Variants in SLC38A1 observed in about 807,000 individuals in gnomAD.
SLC38A1 encodes solute carrier family 38 member 1.
Under a neutral mutation model 60.3 loss-of-function variants are expected in SLC38A1, and 18 were observed. The ratio of observed to expected loss-of-function variants is 0.30; its 90% CI spans 0.21 to 0.44. The LOEUF is 0.44. SLC38A1 is among the 20% of genes least tolerant of loss of function. The pLI, the probability that SLC38A1 is intolerant of heterozygous loss-of-function variation, is 1.00. For missense variants in SLC38A1, 448 were observed against 587.2 expected (o/e 0.76, Z 2.45); for synonymous variants, 196 against 212.1 (o/e 0.92, Z 0.66).
At chr12:46,196,133 C>G in intron 16 of SLC38A1, 1 of 1,535,552 alleles carries the variant, frequency 6.5e-7, no homozygotes, top group East Asian at 2.4e-5. Context: ...CAGACTAATA[C>G]AGATTACTAA....
At chr12:46,235,670 A>G (rs1941234754) in intron 3 of SLC38A1, among the ~76,000 whole-genome samples, 1 of 152,226 alleles carries the variant, frequency 6.6e-6, no homozygotes, top group Non-Finnish European at 1.5e-5. Flanking sequence ...AAGAAGAGGG[A>G]TAACTTTTCA....
At position 46,203,019 on chromosome 12, in the gene SLC38A1, T is replaced by A. The variant is rs1939731003; in HGVS notation, c.893A>T (p.Glu298Val). 3.7e-6 allele frequency: 6 copies of A among 1,613,334 alleles called. No individual in the cohort carries two copies. The highest frequency in any genetic ancestry group is 5.1e-6 in the Non-Finnish European group (6 of 1,179,364). The change falls in exon 12 of 17, where the codon GAG becomes GTG. Residue 298 changes from glutamate (E) to valine (V), a missense_variant. By Grantham distance (121) the Glu-to-Val change is moderately radical. Transcript: ENST00000398637. ...CHPSVLPIYS[E>V]LKDRSQKKMQ... ...TAAACAAATTTCTTACTCTTTAAGC[T>A]CACTGTAAATTGGCAGGACTGACGG...
chr12:46,204,334 C>T lies in SLC38A1; in HGVS notation c.789G>A (p.Thr263=), dbSNP rs34246350. ...TGAAGGTAACATATTTTGGCGTACA[C>T]GTGTCAGCATTTGTTGAATTAGCAC... is the stretch of plus-strand genomic sequence containing the variant. The part of the protein sequence containing the change: ...TISANSTNAD[T]CTPKYVTFNS... The change falls in exon 11 of 17, where the codon ACG becomes ACA. Residue 263 remains threonine, a synonymous_variant. Coordinates refer to ENST00000398637, the MANE Select transcript of SLC38A1 (RefSeq NM_030674.4). 1.3e-5 allele frequency: 21 copies of T among 1,612,786 alleles called. No homozygotes were observed. Among genetic ancestry groups the T allele is most frequent in the Middle Eastern group, 1.6e-4 (1 of 6,072 alleles).
intron 4 of SLC38A1, 136 bp from the exon 5 acceptor site, chr12:46,229,404 T>C: frequency 1.2e-6 from 1 of 804,578 alleles, no homozygotes; most frequent in Non-Finnish European, 2.0e-6. Flanking sequence ...TATCTAGTTA[T>C]TTCCTTGAAT....
chr12:46,251,879 C>T (rs557654091), intron 1 of SLC38A1, among the ~76,000 whole-genome samples: 2 of 152,226 alleles, frequency 1.3e-5, no homozygotes, highest in East Asian at 1.9e-4. Flanking sequence ...AATGCTTTTA[C>T]ACTCTTGGTG....
intron 1 of SLC38A1, among the ~76,000 whole-genome samples, chr12:46,264,121 T>A (rs1239871845): frequency 6.6e-6 from 1 of 152,212 alleles, no homozygotes; most frequent in East Asian, 1.9e-4. Context: ...TAATGTGAAG[T>A]CTGCTCTGAG....
At chr12:46,211,767 A>T (rs1940182234) in intron 5 of SLC38A1, among the ~76,000 whole-genome samples, 2 of 152,212 alleles carry the variant, frequency 1.3e-5, no homozygotes, top group South Asian at 4.1e-4. Context: ...TCCCATGTTT[A>T]AGAGACGTAA....
At chr12:46,242,250 G>A (rs943084523) in intron 2 of SLC38A1, among the ~76,000 whole-genome samples, 25 of 152,000 alleles carry the variant, frequency 1.6e-4, no homozygotes, top group African/African-American at 5.8e-4. Flanking sequence ...ACTTGTTCTT[G>A]AAAATCAAAA....
chr12:46,255,287 G>C (rs1941983753), intron 1 of SLC38A1, among the ~76,000 whole-genome samples: 1 of 152,204 alleles, frequency 6.6e-6, no homozygotes, highest in Non-Finnish European at 1.5e-5. Flanking sequence ...TGTGCACACA[G>C]TAATTTTATG....
chr12:46,222,838 T>C (rs979341106), intron 5 of SLC38A1, among the ~76,000 whole-genome samples: 1 of 152,198 alleles, frequency 6.6e-6, no homozygotes, highest in Non-Finnish European at 1.5e-5. Flanking sequence ...CAATATACTT[T>C]AAGCATACAT....
chr12:46,201,768 C>T (rs1412684046), intron 12 of SLC38A1, among the ~76,000 whole-genome samples: 1 of 151,636 alleles, frequency 6.6e-6, no homozygotes, highest in African/African-American at 2.4e-5. Context: ...GGATGACCCT[C>T]TAAGTTTCTT....
intron 5 of SLC38A1, among the ~76,000 whole-genome samples, chr12:46,220,515 C>A (rs1940616684): frequency 6.6e-6 from 1 of 152,194 alleles, no homozygotes; most frequent in Admixed American, 6.5e-5. Flanking sequence ...CTTAACTGCT[C>A]TGTCTTTAGA....
chr12:46,237,743 T>C (rs544066469), intron 3 of SLC38A1, among the ~76,000 whole-genome samples: 1 of 151,958 alleles, frequency 6.6e-6, no homozygotes, highest in Admixed American at 6.5e-5. Flanking sequence ...CTGACTATTA[T>C]AAATGACTCC....
Position 46,188,891 on chromosome 12 carries a change from AAAG to A in SLC38A1, c.*76_*78del. ...TTCTGTTTGCTTCTGTAAACTTGCAAAAGAAGTGGTGAGAGATTGCTGATGTGT... is the reference window on the plus strand; with the variant it reads ...TTCTGTTTGCTTCTGTAAACTTGCAAAAGTGGTGAGAGATTGCTGATGTGT... On this transcript the variant is annotated 3_prime_UTR_variant, in exon 17 of 17. Coordinates refer to ENST00000398637, the MANE Select transcript of SLC38A1 (RefSeq NM_030674.4). 2 of 1,208,220 alleles carry A rather than the reference AAAG, an allele frequency of 1.7e-6. No homozygotes were observed. Among genetic ancestry groups the A allele is most frequent in the Non-Finnish European group, 2.4e-6 (2 of 828,240 alleles). The allele number at this position is 1,208,220 out of a possible 1,614,324, so 74.8% of individuals were successfully genotyped here.
At chr12:46,251,781 A>G (rs1216524201) in intron 1 of SLC38A1, among the ~76,000 whole-genome samples, 1 of 152,170 alleles carries the variant, frequency 6.6e-6, no homozygotes. Context: ...TCAAAACCAC[A>G]ATGAGATACC....
intron 2 of SLC38A1, among the ~76,000 whole-genome samples, chr12:46,241,050 C>A (rs1160045842): frequency 6.6e-6 from 1 of 152,110 alleles, no homozygotes; most frequent in African/African-American, 2.4e-5. Flanking sequence ...GAGGCAAATG[C>A]AACTTCAAAA....
intron 5 of SLC38A1, 73 bp from the exon 6 acceptor site, chr12:46,209,200 C>T: frequency 9.3e-7 from 1 of 1,080,580 alleles, no homozygotes; most frequent in Non-Finnish European, 1.4e-6. Context: ...TTTAGAAGGG[C>T]AAAGGTTTAT....
chr12:46,190,861 A>AT, intron 16 of SLC38A1, among the ~76,000 whole-genome samples: 1 of 152,062 alleles, frequency 6.6e-6, no homozygotes. Context: ...GACTGCAAAG[A>AT]TTTTCTCCCA....
At chr12:46,198,838 G>A in intron 13 of SLC38A1, 95 bp from the exon 14 acceptor site, 2 of 750,906 alleles carry the variant, frequency 2.7e-6, no homozygotes, top group South Asian at 2.0e-5. Flanking sequence ...GTAAACTAAA[G>A]GGCAAGAAAA....
Sources: allele counts gnomAD v4.1 joint callset (sites outside exome capture counted in the v4.1 genomes callset), GRCh38; gene constraint gnomAD v4.1.1; transcripts MANE v1.5; gene names NCBI Gene and HGNC (gene_info 2026-07-23, HGNC 2026-07-21).